The following ZFYVE16 variants were observed in gnomAD, a reference collection of about 807,000 sequenced individuals.
The protein encoded by ZFYVE16 is zinc finger FYVE domain-containing protein 16.
Under a neutral mutation model 138.1 loss-of-function variants are expected in ZFYVE16, and 89 were observed. The ratio of observed to expected loss-of-function variants is 0.64; its 90% CI spans 0.54 to 0.77. ZFYVE16 has a LOEUF of 0.77. ZFYVE16 is among the 30% of genes least tolerant of loss of function. ZFYVE16 has a pLI of 0.00. For missense variants in ZFYVE16, 1,793 were observed against 1,786.7 expected, an observed-to-expected ratio of 1.00 and a Z score of -0.06; for synonymous variants, 596 against 618.3, an observed-to-expected ratio of 0.96 and a Z score of 0.53.
intron 14 of ZFYVE16, 56 bp downstream of exon 14, chr5:80,457,148 C>G: frequency 6.3e-7 from 1 of 1,577,418 alleles, no homozygotes; most frequent in Non-Finnish European, 8.6e-7. Context: ...TAATAGAATT[C>G]CTTTCAAAGG....
In ZFYVE16 at chr5:80,448,246, C is replaced by T. The variant is rs1751603365; in HGVS notation, c.2945C>T (p.Thr982Ile). Residue 982 changes from threonine (T) to isoleucine (I), a missense_variant, in exon 8 of 19, where the codon ACT (threonine) becomes ATT (isoleucine). Coordinates refer to ENST00000505560, the MANE Select transcript of ZFYVE16 (RefSeq NM_001284236.3). ...GAAACTGAAGAACCATCTAGTCCTA[C>T]TGGTGTCTTAGTTAACAGCAATTTA... ...FAETEEPSSPTGVLVNSNLPI... is the reference protein window; with the variant it reads ...FAETEEPSSPIGVLVNSNLPI... 1 of 1,613,752 alleles carries T rather than the reference C, an allele frequency of 6.2e-7. No homozygotes were observed. Among genetic ancestry groups the T allele is most frequent in the Non-Finnish European group, 8.5e-7 (1 of 1,179,874 alleles).
intron 1 of ZFYVE16, among the ~76,000 whole-genome samples, chr5:80,426,174 GATAT>G (rs765586658): frequency 6.8e-6 from 1 of 147,930 alleles, no homozygotes; most frequent in Non-Finnish European, 1.5e-5. Flanking sequence ...CCCGGATTGA[GATAT>G]ATATATATAT....
intron 18 of ZFYVE16, among the ~76,000 whole-genome samples, chr5:80,477,006 T>G (rs1754975244): frequency 1.3e-5 from 2 of 152,200 alleles, no homozygotes; most frequent in Non-Finnish European, 2.9e-5. Flanking sequence ...ATAGTGGCAA[T>G]TTTATCTTTA....
At chr5:80,433,531 A>G (rs1749418290) in intron 2 of ZFYVE16, among the ~76,000 whole-genome samples, 1 of 152,184 alleles carries the variant, frequency 6.6e-6, no homozygotes, top group Non-Finnish European at 1.5e-5. Context: ...GGACATGTAT[A>G]CATACGTTAA....
chr5:80,412,808 A>G (rs930767351), intron 1 of ZFYVE16, among the ~76,000 whole-genome samples: 1 of 152,174 alleles, frequency 6.6e-6, no homozygotes, highest in Non-Finnish European at 1.5e-5. Context: ...TATTATGTTT[A>G]TTTTAAATTT....
chr5:80,430,339 A>G (rs1748812533), intron 2 of ZFYVE16, among the ~76,000 whole-genome samples: 1 of 151,656 alleles, frequency 6.6e-6, no homozygotes, highest in African/African-American at 2.4e-5. Flanking sequence ...CTGAATGACT[A>G]CTGGGTACGT....
chr5:80,456,424 G>C, intron 12 of ZFYVE16, 37 bp from the exon 13 acceptor site: 1 of 1,436,248 alleles, frequency 7.0e-7, no homozygotes, highest in Non-Finnish European at 9.7e-7. Context: ...AAATACTCAT[G>C]GTTAGTAGTT....
chr5:80,480,369 G>A lies in ZFYVE16; in HGVS notation c.*2992G>A, dbSNP rs1326457569. On this transcript the variant is annotated 3_prime_UTR_variant, in exon 19 of 19. Coordinates refer to ENST00000505560, the MANE Select transcript of ZFYVE16 (RefSeq NM_001284236.3). ...TAATAGAATGTAGCCAATTGGGGTA[G>A]TTTATAAACTGGAAGATAACTCAGG... Among the ~76,000 whole-genome samples, 1 of 151,958 alleles carries A rather than the reference G, an allele frequency of 6.6e-6. No homozygotes were observed. The highest frequency in any genetic ancestry group is 1.5e-5 in the Non-Finnish European group (1 of 67,994).
chr5:80,411,052 C>T (rs11955880), intron 1 of ZFYVE16, among the ~76,000 whole-genome samples: 8,970 of 151,452 alleles, frequency 0.059, 480 homozygotes, highest in African/African-American at 0.14. Flanking sequence ...CTGCAACCTC[C>T]GCCTCCTGGG....
intron 6 of ZFYVE16, among the ~76,000 whole-genome samples, chr5:80,444,574 A>G (rs1248708169): frequency 6.6e-6 from 1 of 151,888 alleles, no homozygotes; most frequent in Non-Finnish European, 1.5e-5. Context: ...CAAATTTGAA[A>G]GGAAATATTG....
Position 80,443,117 on chromosome 5 carries a change from T to A in ZFYVE16, c.2420-6T>A. 6.5e-7 allele frequency: 1 copy of A among 1,535,540 alleles called. No homozygotes were observed. On this transcript the variant is annotated splice_region_variant and splice_polypyrimidine_tract_variant and intron_variant, in intron 5 of 18. Coordinates refer to ENST00000505560, the MANE Select transcript of ZFYVE16 (RefSeq NM_001284236.3). ...GATTTTAACACTATTGTTTTCCCCT[T>A]TATAGCTCAGGCATTTGAAAGGATG...
chr5:80,469,530 C>G (rs1754085063), intron 15 of ZFYVE16, among the ~76,000 whole-genome samples: 1 of 152,166 alleles, frequency 6.6e-6, no homozygotes, highest in Non-Finnish European at 1.5e-5. Flanking sequence ...ATGTGTGAGC[C>G]ACTGCTCCTG....
intron 15 of ZFYVE16, among the ~76,000 whole-genome samples, chr5:80,466,126 A>G (rs1753728159): frequency 6.6e-6 from 1 of 151,334 alleles, no homozygotes; most frequent in East Asian, 2.0e-4. Flanking sequence ...GGGTTTCACC[A>G]TGTTGGCCAG....
intron 1 of ZFYVE16, among the ~76,000 whole-genome samples, chr5:80,423,638 C>T (rs920807772): frequency 4.0e-5 from 6 of 151,746 alleles, no homozygotes; most frequent in Non-Finnish European, 8.8e-5. Flanking sequence ...CAGGTTCACG[C>T]CATTCTCCTG....
intron 16 of ZFYVE16, 32 bp from the exon 17 acceptor site, chr5:80,473,722 A>G (rs765286632): frequency 1.4e-6 from 2 of 1,476,026 alleles, no homozygotes; most frequent in Admixed American, 3.9e-5. Flanking sequence ...ATTGGTGCTA[A>G]TAATTCTATT....
At chr5:80,470,203 G>A (rs551100560) in intron 15 of ZFYVE16, among the ~76,000 whole-genome samples, 471 of 148,646 alleles carry the variant, frequency 3.2e-3, no homozygotes, top group African/African-American at 0.011. Flanking sequence ...CTGGGTTCAC[G>A]CCATTCTCCT....
intron 1 of ZFYVE16, among the ~76,000 whole-genome samples, chr5:80,413,996 T>C (rs1400130576): frequency 6.6e-6 from 1 of 152,252 alleles, no homozygotes; most frequent in African/African-American, 2.4e-5. Flanking sequence ...TGTTAACTTT[T>C]AGTTATTTGG....
chr5:80,473,798 G>A lies in ZFYVE16; in HGVS notation c.4232G>A (p.Ser1411Asn), dbSNP rs1248041036. 1 of 1,613,014 alleles carries A rather than the reference G, an allele frequency of 6.2e-7. No homozygotes were observed. The highest frequency in any genetic ancestry group is 1.3e-5 in the African/African-American group (1 of 74,868). ...GGAATATCATTACAAGGATTTCCAA[G>A]TGAAAAAATAAAACTGGAAGCAGAT... Reference protein sequence around the residue: ...VDGISLQGFPSEKIKLEADFE... With the variant: ...VDGISLQGFPNEKIKLEADFE... Residue 1411 changes from serine (S) to asparagine (N), a missense_variant, in exon 17 of 19, where the codon AGT becomes AAT. Transcript: ENST00000505560.
intron 15 of ZFYVE16, among the ~76,000 whole-genome samples, chr5:80,464,934 C>T (rs1026687187): frequency 6.6e-6 from 1 of 151,962 alleles, no homozygotes; most frequent in African/African-American, 2.4e-5. Context: ...AACTTTACTC[C>T]TGTTTATCGT....
Sources: allele counts gnomAD v4.1 joint callset (sites outside exome capture counted in the v4.1 genomes callset), GRCh38; gene constraint gnomAD v4.1.1; transcripts MANE v1.5; gene names NCBI Gene and HGNC (gene_info 2026-07-23, HGNC 2026-07-21).